Variants in FAM227A observed in about 807,000 individuals in gnomAD.
FAM227A encodes family with sequence similarity 227 member A, also known as protein FAM227A.
Under a neutral mutation model 74.7 loss-of-function variants are expected in FAM227A, and 80 were observed. The ratio of observed to expected loss-of-function variants is 1.07; its 90% confidence interval spans 0.89 to 1.29. The LOEUF is 1.29. Ranked by LOEUF, FAM227A falls within the 50% of genes most tolerant of loss-of-function variation. The pLI, the probability that FAM227A is intolerant of heterozygous loss-of-function variation, is 0.00. For synonymous variants in FAM227A, 237 were observed against 241.8 expected (o/e 0.98, Z 0.19); for missense variants, 654 against 683.4 (o/e 0.96, Z 0.48).
At chr22:38,596,737 G>A (rs977007827) in intron 15 of FAM227A, among the ~76,000 whole-genome samples, 1 of 151,758 alleles carries the variant, frequency 6.6e-6, no homozygotes, top group South Asian at 2.1e-4. Context: ...CTTTCTGAAA[G>A]GTTTTTCTAA....
At chr22:38,632,164 A>G (rs1317556231) in intron 6 of FAM227A, among the ~76,000 whole-genome samples, 1 of 152,126 alleles carries the variant, frequency 6.6e-6, no homozygotes, top group Non-Finnish European at 1.5e-5. Context: ...GGATGGAGCG[A>G]TATGGGAGTC....
At chr22:38,593,082 C>T (rs890132934) in intron 15 of FAM227A, among the ~76,000 whole-genome samples, 2 of 152,264 alleles carry the variant, frequency 1.3e-5, no homozygotes, top group Non-Finnish European at 2.9e-5. Flanking sequence ...ACCTTAGCCT[C>T]TGCCATTCCA....
rs373804892 is a variant in FAM227A at position 38,645,619 on chromosome 22, C to T, written c.169G>A (p.Val57Met). The change falls in exon 3 of 17, where the codon GTG (valine) becomes ATG (methionine). Residue 57 changes from valine (V) to methionine (M), a missense_variant. Physicochemically the swap from Val to Met is conservative, Grantham distance 21 (BLOSUM62 1). Transcript: ENST00000535113. ...TTTATGTCAGCAATCTTTTGGTTCA[C>T]CTGGTGCATGGAGCCAATAAGGCAT... The part of the protein sequence containing the change: ...PSCLIGSMHQ[V>M]NQKIADINLR... 10 of 1,551,350 alleles carry T rather than the reference C, an allele frequency of 6.4e-6. No individual in the cohort carries two copies. The African/African-American group carries it at 9.6e-5, about 15-fold the overall frequency.
intron 6 of FAM227A, 138 bp from the exon 7 acceptor site, chr22:38,629,073 C>T (rs1449738297): frequency 3.0e-5 from 18 of 598,186 alleles, no homozygotes; most frequent in Middle Eastern, 4.4e-4. Flanking sequence ...TACATACTCT[C>T]ATTTAACCCC....
At chr22:38,641,574 CAAAG>C (rs1415523850) in intron 3 of FAM227A, among the ~76,000 whole-genome samples, 11 of 143,836 alleles carry the variant, frequency 7.6e-5, no homozygotes, top group East Asian at 6.1e-4. Context: ...AAAAACAAAA[CAAAG>C]AGAGAAAAAC....
At chr22:38,589,926 T>A (rs1003226516) in intron 16 of FAM227A, among the ~76,000 whole-genome samples, 3 of 151,848 alleles carry the variant, frequency 2.0e-5, no homozygotes, top group Non-Finnish European at 4.4e-5. Context: ...CACAGCAAGA[T>A]CTCATCTCTT....
At chr22:38,652,244 A>C (rs2092333363) in intron 1 of FAM227A, among the ~76,000 whole-genome samples, 1 of 152,074 alleles carries the variant, frequency 6.6e-6, no homozygotes, top group African/African-American at 2.4e-5. Context: ...ATATGAAAAA[A>C]AGAAAAATTA....
intron 3 of FAM227A, among the ~76,000 whole-genome samples, chr22:38,641,724 C>T (rs2092118815): frequency 6.6e-6 from 1 of 151,652 alleles, no homozygotes; most frequent in South Asian, 2.1e-4. Flanking sequence ...CTTTGCTGCT[C>T]TCATTTTCAA....
rs1555946228 is a variant in FAM227A, at chr22:38,580,096, T to TATTA, written c.*6028_*6029insTAAT. The TATTA allele has an allele frequency of 6.6e-6, 1 of 151,634 alleles. No individual in the cohort carries two copies. The highest frequency in any genetic ancestry group is 1.9e-4 in the East Asian group (1 of 5,144). 9.4% of individuals were successfully genotyped at this position (151,634 alleles called of 1,614,324 possible). ...CCACCTTGCTCTGCTAATTTTTACT[T>TATTA]TTTTTGTAGAGACAAGGTCTCACTA... is the stretch of plus-strand genomic sequence containing the variant. On this transcript the variant is annotated 3_prime_UTR_variant, in exon 17 of 17. Transcript: ENST00000535113.
chr22:38,605,270 T>C lies in FAM227A; in HGVS notation c.1205A>G (p.Asn402Ser). 6.5e-7 allele frequency: 1 copy of C among 1,547,130 alleles called. No homozygotes were observed. The highest frequency in any genetic ancestry group is 8.8e-7 in the Non-Finnish European group (1 of 1,142,416). ...TGTGCTCACCTTTTTAGGAAACATA[T>C]TCTCACATTCTCTTGCTTCTGATAT... Reference protein sequence around the residue: ...KRISEARECENMFPKKSCAAC... With the variant: ...KRISEARECESMFPKKSCAAC... Residue 402 changes from asparagine (N) to serine (S), a missense_variant, in exon 13 of 17, where the codon AAT becomes AGT. Transcript: ENST00000535113.
intron 2 of FAM227A, among the ~76,000 whole-genome samples, chr22:38,646,244 A>ATTTTT (rs1569240881): frequency 1.2e-4 from 11 of 89,686 alleles, no homozygotes; most frequent in African/African-American, 2.7e-4. Context: ...TCCTTCCAGT[A>ATTTTT]TTTCTTTTTT....
intron 6 of FAM227A, among the ~76,000 whole-genome samples, chr22:38,631,565 T>C (rs1029772812): frequency 1.3e-5 from 2 of 151,972 alleles, no homozygotes; most frequent in African/African-American, 4.8e-5. Flanking sequence ...AATAACTGCA[T>C]GATGAAGGGA....
intron 15 of FAM227A, 66 bp downstream of exon 15, chr22:38,597,138 G>T: frequency 6.8e-7 from 1 of 1,470,918 alleles, no homozygotes; most frequent in Non-Finnish European, 9.3e-7. Flanking sequence ...ATTTAAAAAT[G>T]ATGATGATCG....
chr22:38,631,171 A>G (rs1370138591), intron 6 of FAM227A, among the ~76,000 whole-genome samples: 1 of 152,122 alleles, frequency 6.6e-6, no homozygotes, highest in East Asian at 1.9e-4. Flanking sequence ...CTTACTCAAA[A>G]AAACAAAACA....
chr22:38,641,970 T>TGC (rs2092125465), intron 3 of FAM227A, among the ~76,000 whole-genome samples: 2 of 145,254 alleles, frequency 1.4e-5, no homozygotes, highest in South Asian at 2.2e-4. Context: ...TGTGTGTGTG[T>TGC]GTGTGCGCAC....
At position 38,590,363 on chromosome 22, in the gene FAM227A, TAGA is replaced by T. The variant is rs571160912; in HGVS notation, c.1638+1069_1638+1071del. Among the ~76,000 whole-genome samples, 92 of 151,728 alleles carry T rather than the reference TAGA, an allele frequency of 6.1e-4. 3 individuals carry two copies. The South Asian group carries it at 0.019, about 31-fold the overall frequency. On this transcript the variant is annotated intron_variant, in intron 16 of 16. Transcript: ENST00000535113. Reference sequence around the variant, plus strand: ...CATATACCTTCGTTTTGGGAACTGCTAGAAGATGTGCTCCAGCAAAGTGGACAT... The same window carrying T: ...CATATACCTTCGTTTTGGGAACTGCTAGATGTGCTCCAGCAAAGTGGACAT...
intron 3 of FAM227A, among the ~76,000 whole-genome samples, chr22:38,641,557 A>AC (rs1294026634): frequency 8.6e-5 from 13 of 150,530 alleles, no homozygotes; most frequent in African/African-American, 3.2e-4. Flanking sequence ...ATCTCAAAAA[A>AC]AAAAAAAAAA....
chr22:38,591,302 G>A (rs1185080980), intron 16 of FAM227A, 133 bp downstream of exon 16: 6 of 1,406,226 alleles, frequency 4.3e-6, no homozygotes, highest in Non-Finnish European at 5.5e-6. Flanking sequence ...CAGCCTTGAG[G>A]AGAGAGTGAG....
At chr22:38,639,779 G>C in intron 3 of FAM227A, 55 bp from the exon 4 acceptor site, 2 of 1,267,528 alleles carry the variant, frequency 1.6e-6, no homozygotes, top group Non-Finnish European at 2.3e-6. Flanking sequence ...TCCTGGAGAA[G>C]GGTGGGGTTA....
Sources: allele counts gnomAD v4.1 joint callset (sites outside exome capture counted in the v4.1 genomes callset), GRCh38; gene constraint gnomAD v4.1.1; transcripts MANE v1.5; gene names NCBI Gene and HGNC (gene_info 2026-07-23, HGNC 2026-07-21).